SOX13: variants seen among roughly 807,000 people sequenced by gnomAD.
SOX13 encodes the protein SRY-box transcription factor 13, also known as transcription factor SOX-13.
A neutral mutation model predicts 71.8 loss-of-function variants in SOX13; 28 were observed. The ratio of observed to expected loss-of-function variants is 0.39; its 90% CI spans 0.29 to 0.53. The LOEUF (loss-of-function observed/expected upper bound fraction) is 0.53. Among genes scored for constraint, SOX13 ranks in the 20% least tolerant of loss-of-function variants. The pLI is 0.70. For synonymous variants in SOX13, 309 were observed against 317.8 expected (o/e 0.97, Z 0.29); for missense variants, 627 against 810.3 (o/e 0.77, Z 2.75).
In SOX13 at chr1:204,123,880, T is replaced by C; in HGVS notation, c.1375+76T>C. 1 of 1,523,226 alleles carries C rather than the reference T, an allele frequency of 6.6e-7. No homozygotes were observed. The highest frequency in any genetic ancestry group is 2.3e-5 in the East Asian group (1 of 43,778). The allele number at this position is 1,523,226 out of a possible 1,614,324, so 94.4% of individuals were successfully genotyped here. A position where few individuals can be genotyped will look rare whatever the true frequency, so the allele number is the denominator to read the frequency against. ...CCAGCTGGGTCTATTCAGGGCTTGC[T>C]TGGTGATATTCCATACTGTGTTGGA... On this transcript the variant is annotated intron_variant, in intron 12 of 13. Coordinates refer to ENST00000367204, the MANE Select transcript of SOX13 (RefSeq NM_005686.3). This position sits in a 1 kb window ranked among gnomAD's most constrained non-coding sequence, Gnocchi z 5.0.
In SOX13 at chr1:204,114,500, C is replaced by A. The variant is rs1434740837; in HGVS notation, c.332-19C>A. On this transcript the variant is annotated intron_variant, in intron 3 of 13. Transcript: ENST00000367204. ...GAGGTGTTAAGACGGTTATTCCTCACCCCTTTGCTGTCTTCCAGTGGTGCC... is the reference window on the plus strand; with the variant it reads ...GAGGTGTTAAGACGGTTATTCCTCAACCCTTTGCTGTCTTCCAGTGGTGCC... 1.2e-6 allele frequency: 2 copies of A among 1,610,560 alleles called. No homozygotes were observed. Among genetic ancestry groups the A allele is most frequent in the Admixed American group, 1.7e-5 (1 of 60,018 alleles).
chr1:204,090,078 A>G lies in SOX13; in HGVS notation c.-2+16367A>G, dbSNP rs188731531. ...TGGGAGCCCAGGCTGCTTAGGGGAG[A>G]GTGAACCCTTCGGTAGTGGTTTTTT... On this transcript the variant is annotated intron_variant, in intron 1 of 13. Transcript: ENST00000367204. 1.6e-3 allele frequency among the ~76,000 whole-genome samples: 241 copies of G among 152,080 alleles called. 4 individuals carry two copies. The highest frequency in any genetic ancestry group is 5.2e-3 in the African/African-American group (215 of 41,466).
At chr1:204,113,455 A>G (rs1272217089) in intron 2 of SOX13, among the ~76,000 whole-genome samples, 1 of 152,242 alleles carries the variant, frequency 6.6e-6, no homozygotes, top group East Asian at 1.9e-4. Flanking sequence ...GTTTGGCTTT[A>G]AAGTAATCTA....
intron 1 of SOX13, among the ~76,000 whole-genome samples, chr1:204,099,424 CTTTTTT>C (rs200311750): frequency 1.1e-5 from 1 of 93,452 alleles, no homozygotes; most frequent in Non-Finnish European, 2.1e-5. Context: ...CTTTTTCTGG[CTTTTTT>C]TTTTTTTTTT....
intron 1 of SOX13, among the ~76,000 whole-genome samples, chr1:204,093,418 G>A (rs955684484): frequency 3.3e-5 from 5 of 152,224 alleles, no homozygotes; most frequent in Admixed American, 6.5e-5. Context: ...AGCTGCGGGT[G>A]AATTGCAATT....
At position 204,081,790 on chromosome 1, in the gene SOX13, C is replaced by T. The variant is rs547203390; in HGVS notation, c.-2+8079C>T. 6.6e-6 allele frequency among the ~76,000 whole-genome samples: 1 copy of T among 152,154 alleles called. No individual in the cohort carries two copies. The highest frequency in any genetic ancestry group is 1.9e-4 in the East Asian group (1 of 5,146). Reference sequence around the variant, plus strand: ...ATGCGAACAACCTCTCCCCACCCTCCAGCCCTACTGAAGGAGTCTGAAGTC... The same window carrying T: ...ATGCGAACAACCTCTCCCCACCCTCTAGCCCTACTGAAGGAGTCTGAAGTC... On this transcript the variant is annotated intron_variant, in intron 1 of 13. Coordinates refer to ENST00000367204, the MANE Select transcript of SOX13 (RefSeq NM_005686.3). This position sits in a 1 kb window ranked among gnomAD's most constrained non-coding sequence, Gnocchi z 4.3.
intron 1 of SOX13, among the ~76,000 whole-genome samples, chr1:204,080,778 A>G (rs1655887170): frequency 6.6e-6 from 1 of 152,040 alleles, no homozygotes; most frequent in African/African-American, 2.4e-5. Flanking sequence ...GGGGTCCAGG[A>G]CTAGCCATTT....
At chr1:204,076,158 T>C (rs1438161513) in intron 1 of SOX13, among the ~76,000 whole-genome samples, 1 of 152,182 alleles carries the variant, frequency 6.6e-6, no homozygotes, top group Non-Finnish European at 1.5e-5. Flanking sequence ...TAAAAATCAA[T>C]CTTGGCTCAA....
chr1:204,089,586 A>G (rs1289386454), intron 1 of SOX13, among the ~76,000 whole-genome samples: 4 of 152,194 alleles, frequency 2.6e-5, no homozygotes, highest in Admixed American at 2.6e-4. Flanking sequence ...TGTGGAAAGA[A>G]TGGTGCACAA....
Position 204,123,081 on chromosome 1 carries a change from G to A in SOX13, c.1135-31G>A. ...GGGAGGAGTGGGGTGATGCAGAGGA[G>A]GCTGATGTCAGGTTGCCCCTGTCAA... On this transcript the variant is annotated intron_variant, in intron 10 of 13. Coordinates refer to ENST00000367204, the MANE Select transcript of SOX13 (RefSeq NM_005686.3). The surrounding 1 kb of genome is among the most constrained non-coding windows in gnomAD (Gnocchi z 5.0). The A allele has an allele frequency of 6.3e-7, 1 of 1,584,766 alleles. No homozygotes were observed. The highest frequency in any genetic ancestry group is 1.7e-5 in the Admixed American group (1 of 59,870).
intron 1 of SOX13, among the ~76,000 whole-genome samples, chr1:204,105,949 G>A (rs116095739): frequency 0.012 from 1,760 of 152,258 alleles, 10 homozygotes; most frequent in Non-Finnish European, 0.019. Flanking sequence ...TGGACCCAGC[G>A]TTCTTTGGCT....
chr1:204,109,230 C>A (rs879590457), intron 1 of SOX13, among the ~76,000 whole-genome samples: 2 of 152,198 alleles, frequency 1.3e-5, no homozygotes, highest in Non-Finnish European at 2.9e-5. Flanking sequence ...TGGGACCCAG[C>A]CTCTGGGGAA....
chr1:204,079,343 A>ATT (rs746260553), intron 1 of SOX13, among the ~76,000 whole-genome samples: 5,373 of 110,764 alleles, frequency 0.049, 470 homozygotes, highest in African/African-American at 0.14. Context: ...AGCATAGAAC[A>ATT]TTTTTTTTTT....
intron 1 of SOX13, among the ~76,000 whole-genome samples, chr1:204,078,762 C>A (rs535951068): frequency 2.6e-5 from 4 of 152,194 alleles, no homozygotes; most frequent in Non-Finnish European, 5.9e-5. Flanking sequence ...GTGACTACCC[C>A]CCTTTTGACT....
At chr1:204,110,079 G>T (rs1253984227) in intron 1 of SOX13, among the ~76,000 whole-genome samples, 1 of 151,922 alleles carries the variant, frequency 6.6e-6, no homozygotes, top group Non-Finnish European at 1.5e-5. Flanking sequence ...TGCTCCACCC[G>T]CCTCGGCCTC....
At position 204,125,022 on chromosome 1, in the gene SOX13, G is replaced by A. The variant is rs559492651; in HGVS notation, c.1592+165G>A. On this transcript the variant is annotated intron_variant, in intron 13 of 13. Coordinates refer to ENST00000367204, the MANE Select transcript of SOX13 (RefSeq NM_005686.3). The stretch of plus-strand genomic sequence containing the variant: ...TGTGTATAGCTGAGCCTGCACGTGC[G>A]ACCCGACTGTGTATGGCTATGTATG... Among the ~76,000 whole-genome samples the A allele has an allele frequency of 6.6e-5, 10 of 152,230 alleles. 1 individual carries two copies. In the South Asian group the frequency reaches 2.1e-3, roughly 32 times the overall value.
chr1:204,122,637 T>C, intron 9 of SOX13: 1 of 601,940 alleles, frequency 1.7e-6, no homozygotes, highest in Non-Finnish European at 3.0e-6. Flanking sequence ...ACTGTTGTCA[T>C]TTCTAGTCTA....
At chr1:204,117,057 C>A in intron 5 of SOX13, 65 bp from the exon 6 acceptor site, 1 of 1,518,498 alleles carries the variant, frequency 6.6e-7, no homozygotes, top group Non-Finnish European at 9.1e-7. Flanking sequence ...GTGGTTAGGG[C>A]TGGGCAGACT....
intron 13 of SOX13, among the ~76,000 whole-genome samples, 183 bp downstream of exon 13, chr1:204,125,040 T>A (rs1228146847): frequency 6.6e-6 from 1 of 152,128 alleles, no homozygotes; most frequent in African/African-American, 2.4e-5. Context: ...TGTGTATGGC[T>A]ATGTATGTGA....
Sources: allele counts gnomAD v4.1 joint callset (sites outside exome capture counted in the v4.1 genomes callset), GRCh38; gene constraint gnomAD v4.1.1; non-coding constraint Gnocchi (gnomAD v3.1); transcripts MANE v1.5; gene names NCBI Gene and HGNC (gene_info 2026-07-23, HGNC 2026-07-21).